The following KCNQ5 variants were observed in gnomAD, a reference collection of about 807,000 sequenced individuals.
KCNQ5 encodes the protein potassium voltage-gated channel subfamily Q member 5.
KCNQ5 carries 30 observed loss-of-function variants against 98.2 expected under a neutral mutation model. That is an observed-to-expected ratio of 0.31 (90% CI 0.23 to 0.41). KCNQ5 has a LOEUF of 0.41. Among genes scored for constraint, KCNQ5 ranks in the 10% least tolerant of loss-of-function variants. KCNQ5 has a pLI of 1.00. For missense variants in KCNQ5, 835 were observed against 1,182.5 expected, an observed-to-expected ratio of 0.71 and a Z score of 4.31; for synonymous variants, 458 against 449.4, an observed-to-expected ratio of 1.02 and a Z score of -0.24.
rs188674078 is a variant in KCNQ5 at position 72,765,072 on chromosome 6, G to T, written c.398+142485G>T. ...AATCTTAGCTGTTGTAAACAGTGCTGCAACAACATAGGAATGCAGATATCT... is the reference window on the plus strand; with the variant it reads ...AATCTTAGCTGTTGTAAACAGTGCTTCAACAACATAGGAATGCAGATATCT... On this transcript the variant is annotated intron_variant, in intron 1 of 13. Coordinates refer to ENST00000370398, the MANE Select transcript of KCNQ5 (RefSeq NM_019842.4). 2.6e-3 allele frequency among the ~76,000 whole-genome samples: 402 copies of T among 152,154 alleles called. 2 individuals are homozygous for T. Among genetic ancestry groups the T allele is most frequent in the African/African-American group, 8.2e-3 (340 of 41,550 alleles).
At chr6:72,999,411 A>G (rs750585986) in intron 1 of KCNQ5, among the ~76,000 whole-genome samples, 13 of 152,252 alleles carry the variant, frequency 8.5e-5, no homozygotes, top group Non-Finnish European at 1.9e-4. Context: ...AACAAAATAT[A>G]AATGACTGTT....
At chr6:72,998,468 G>T (rs894339483) in intron 1 of KCNQ5, among the ~76,000 whole-genome samples, 2 of 152,172 alleles carry the variant, frequency 1.3e-5, no homozygotes, top group Admixed American at 6.5e-5. Flanking sequence ...AGGCACGGTG[G>T]CTCATGCCTG....
intron 1 of KCNQ5, among the ~76,000 whole-genome samples, chr6:72,657,870 G>T (rs772272425): frequency 6.6e-6 from 1 of 152,126 alleles, no homozygotes; most frequent in Admixed American, 6.5e-5. Context: ...TTCGTACTTT[G>T]TGACTTCTCC....
intron 1 of KCNQ5, among the ~76,000 whole-genome samples, chr6:72,867,949 A>ATACTAC (rs57209403): frequency 1.2e-3 from 177 of 147,366 alleles, no homozygotes; most frequent in African/African-American, 4.4e-3. Context: ...AATAATACTA[A>ATACTAC]TACTACTACT....
intron 11 of KCNQ5, among the ~76,000 whole-genome samples, chr6:73,173,607 A>G (rs1289636496): frequency 6.6e-6 from 1 of 152,176 alleles, no homozygotes; most frequent in Non-Finnish European, 1.5e-5. Context: ...ATATATATAC[A>G]TGAATCTTGG....
intron 1 of KCNQ5, among the ~76,000 whole-genome samples, chr6:72,988,064 C>T (rs914408623): frequency 7.2e-5 from 11 of 152,222 alleles, no homozygotes; most frequent in African/African-American, 2.2e-4. Flanking sequence ...TTTGGGGAGC[C>T]AGGAGAACAA....
In KCNQ5 at chr6:72,718,640, G is replaced by A. The variant is rs369585798; in HGVS notation, c.398+96053G>A. Among the ~76,000 whole-genome samples the A allele has an allele frequency of 1.6e-4, 24 of 151,548 alleles. 1 individual carries two copies. The highest frequency in any genetic ancestry group is 5.3e-4 in the African/African-American group (22 of 41,246). On this transcript the variant is annotated intron_variant, in intron 1 of 13. Transcript: ENST00000370398. ...TAATTTTTATATTTTTAGTAGAGAC[G>A]GGGTTTCACCATGTTGGCCAGGATG...
In KCNQ5 at chr6:73,057,457, T is replaced by A. The variant is rs983752543; in HGVS notation, c.616+15395T>A. Among the ~76,000 whole-genome samples the A allele has an allele frequency of 2.0e-5, 3 of 152,112 alleles. 1 individual carries two copies. Among genetic ancestry groups the A allele is most frequent in the African/African-American group, 7.2e-5 (3 of 41,408 alleles). ...AACAAATCTGCACATTGTGCACATG[T>A]ACCTTAGAACTTAAAGTATAGTAAA... On this transcript the variant is annotated intron_variant, in intron 3 of 13. Transcript: ENST00000370398.
chr6:73,183,904 C>T (rs1778484166), intron 11 of KCNQ5, among the ~76,000 whole-genome samples: 2 of 152,258 alleles, frequency 1.3e-5, no homozygotes, highest in African/African-American at 2.4e-5. Flanking sequence ...GACAGGCACA[C>T]GTGATTTTTG....
intron 1 of KCNQ5, among the ~76,000 whole-genome samples, chr6:72,719,521 T>C (rs1217168417): frequency 6.6e-6 from 1 of 152,240 alleles, no homozygotes; most frequent in Admixed American, 6.5e-5. Flanking sequence ...ATGAAAAACC[T>C]GGATACTAAA....
intron 6 of KCNQ5, among the ~76,000 whole-genome samples, chr6:73,109,126 A>G (rs1775122880): frequency 6.6e-6 from 1 of 152,234 alleles, no homozygotes; most frequent in South Asian, 2.1e-4. Context: ...CAATAAGCAG[A>G]CCTGGTTTAA....
At chr6:72,789,232 A>G (rs886564984) in intron 1 of KCNQ5, among the ~76,000 whole-genome samples, 6 of 152,074 alleles carry the variant, frequency 3.9e-5, no homozygotes, top group African/African-American at 1.2e-4. Flanking sequence ...AACTTGGCTC[A>G]CTGCAACCTC....
chr6:72,872,006 G>A (rs572118716), intron 1 of KCNQ5, among the ~76,000 whole-genome samples: 1 of 152,298 alleles, frequency 6.6e-6, no homozygotes, highest in African/African-American at 2.4e-5. Flanking sequence ...GAAAGAAAGA[G>A]CAGCAAAACA....
At chr6:72,706,565 C>A (rs1042546430) in intron 1 of KCNQ5, among the ~76,000 whole-genome samples, 1 of 151,886 alleles carries the variant, frequency 6.6e-6, no homozygotes, top group Non-Finnish European at 1.5e-5. Context: ...TATTCCCATG[C>A]CCAAATCACT....
rs201810163 is a variant in KCNQ5, at chr6:73,128,761, T to C, written c.1247+4249T>C. On this transcript the variant is annotated intron_variant, in intron 9 of 13. Transcript: ENST00000370398. ...GCTAGAACCCTTTCAGATTTCTGAG[T>C]AGACTAAAGTTGCTTTACCAGGTAC... Among the ~76,000 whole-genome samples the C allele has an allele frequency of 2.0e-5, 3 of 152,336 alleles. No individual in the cohort carries two copies. The East Asian group carries it at 5.8e-4, about 29-fold the overall frequency.
intron 1 of KCNQ5, among the ~76,000 whole-genome samples, chr6:72,768,789 A>G (rs929462891): frequency 6.6e-6 from 1 of 151,884 alleles, no homozygotes; most frequent in African/African-American, 2.4e-5. Context: ...TAATGTATTA[A>G]ATTTATTTTC....
intron 1 of KCNQ5, among the ~76,000 whole-genome samples, chr6:72,784,132 G>GGTCGGGTACACATTCA (rs1248077267): frequency 6.6e-6 from 1 of 152,096 alleles, no homozygotes; most frequent in Non-Finnish European, 1.5e-5. Context: ...TCTGGCCAAG[G>GGTCGGGTACACATTCA]GTCGGGTACA....
At chr6:73,094,667 C>G (rs1190331508) in intron 5 of KCNQ5, among the ~76,000 whole-genome samples, 1 of 152,074 alleles carries the variant, frequency 6.6e-6, no homozygotes, top group East Asian at 1.9e-4. Context: ...CTGTATCTTT[C>G]CTTCATATAT....
At position 73,196,779 on chromosome 6, in the gene KCNQ5, A is replaced by C. The variant is rs1219574041; in HGVS notation, c.*1365A>C. On this transcript the variant is annotated 3_prime_UTR_variant, in exon 14 of 14. Transcript: ENST00000370398. ...TAGATAGTACTGGCAGAGTCTGCAA[A>C]TCAGAACACTTAAATATATCATGGC... is the stretch of plus-strand genomic sequence containing the variant. 6.6e-6 allele frequency: 1 copy of C among 152,178 alleles called. No individual in the cohort carries two copies. The highest frequency in any genetic ancestry group is 1.5e-5 in the Non-Finnish European group (1 of 68,034). 9.4% of individuals were successfully genotyped at this position (152,178 alleles called of 1,614,324 possible). A position where few individuals can be genotyped will look rare whatever the true frequency, so the allele number is the denominator to read the frequency against.
Sources: gnomAD v4.1 joint callset for allele counts (sites outside exome capture counted in the v4.1 genomes callset) on GRCh38, gnomAD v4.1.1 for gene constraint, MANE v1.5 for transcripts, NCBI Gene and HGNC (gene_info 2026-07-23, HGNC 2026-07-21) for gene names.